The following OGN variants were observed in gnomAD, a reference collection of about 807,000 sequenced individuals.
OGN encodes osteoglycin.
A neutral mutation model predicts 30.8 loss-of-function variants in OGN; 19 were observed. That is an observed-to-expected ratio of 0.62 (90% confidence interval 0.43 to 0.90). OGN has a LOEUF of 0.90. Among genes scored for constraint, OGN ranks in the 40% least tolerant of loss-of-function variants. The pLI is 0.00. For missense variants in OGN, 283 were observed against 349.7 expected (o/e 0.81, Z 1.52); for synonymous variants, 126 against 128.3 (o/e 0.98, Z 0.12).
chr9:92,395,248 C>T (rs1400614188), intron 3 of OGN, among the ~76,000 whole-genome samples: 2 of 152,150 alleles, frequency 1.3e-5, no homozygotes, highest in Non-Finnish European at 2.9e-5. Context: ...GGTCAGTATA[C>T]ATTAGTTTGC....
intron 3 of OGN, among the ~76,000 whole-genome samples, chr9:92,393,947 G>A (rs1387053273): frequency 6.6e-6 from 1 of 152,010 alleles, no homozygotes; most frequent in Non-Finnish European, 1.5e-5. Flanking sequence ...AATATCTTTG[G>A]TCACTTGGTT....
At chr9:92,403,157 C>T in intron 2 of OGN, 77 bp downstream of exon 2, 1 of 908,188 alleles carries the variant, frequency 1.1e-6, no homozygotes, top group Non-Finnish European at 1.7e-6. Flanking sequence ...CCTTATCAGA[C>T]ACATTCAGGA....
chr9:92,399,253 A>C (rs542014108), intron 3 of OGN, among the ~76,000 whole-genome samples: 8 of 152,134 alleles, frequency 5.3e-5, no homozygotes, highest in Non-Finnish European at 1.0e-4. Flanking sequence ...TTTTTCAATC[A>C]GATAGGTTAA....
At chr9:92,404,453 TTAAC>T (rs2130936380) in intron 1 of OGN, 39 bp downstream of exon 1, 1 of 1,215,304 alleles carries the variant, frequency 8.2e-7, no homozygotes, top group South Asian at 1.4e-5. Context: ...CAGTCGCACT[TTAAC>T]AAACAATATT....
At chr9:92,392,450 C>T (rs911212001) in intron 4 of OGN, among the ~76,000 whole-genome samples, 1 of 152,036 alleles carries the variant, frequency 6.6e-6, no homozygotes, top group African/African-American at 2.4e-5. Context: ...GGTGAAACCC[C>T]ATCTCTACTA....
intron 3 of OGN, among the ~76,000 whole-genome samples, chr9:92,399,662 T>C (rs1196956891): frequency 6.6e-6 from 1 of 152,244 alleles, no homozygotes; most frequent in African/African-American, 2.4e-5. Context: ...TTCAGATTGC[T>C]AATCTATTTG....
Position 92,385,391 on chromosome 9 carries a change from T to C in OGN, c.*229A>G, listed in dbSNP as rs934203877. On this transcript the variant is annotated 3_prime_UTR_variant, in exon 7 of 7. Transcript: ENST00000375561. ...TGGTAGTCTAGTATAAACTAGGATT[T>C]TGTAATGCTGTTTAAATATTTTCAT... The C allele has an allele frequency of 2.3e-6, 1 of 436,346 alleles. No homozygotes were observed. The highest frequency in any genetic ancestry group is 2.0e-5 in the African/African-American group (1 of 49,468). The allele number at this position is 436,346 out of a possible 1,614,324, so 27.0% of individuals were successfully genotyped here.
chr9:92,388,547 C>CG (rs1842531400), intron 5 of OGN, among the ~76,000 whole-genome samples: 1 of 138,462 alleles, frequency 7.2e-6, no homozygotes, highest in Admixed American at 7.3e-5. Context: ...AACTTTAAAA[C>CG]AAAAAAAAAA....
intron 3 of OGN, among the ~76,000 whole-genome samples, chr9:92,394,016 A>G (rs1263295439): frequency 1.3e-5 from 2 of 152,160 alleles, no homozygotes; most frequent in Non-Finnish European, 2.9e-5. Context: ...CTTCATAACA[A>G]GTAATTCTGG....
Position 92,383,474 on chromosome 9 carries a change from AAT to A in OGN, c.*2144_*2145del, listed in dbSNP as rs1241382144. Among the ~76,000 whole-genome samples the A allele has an allele frequency of 1.3e-5, 2 of 152,160 alleles. No individual in the cohort carries two copies. The highest frequency in any genetic ancestry group is 2.4e-5 in the African/African-American group (1 of 41,446). Reference sequence around the variant, plus strand: ...ATGTATGTCTTTAGTTTTTTTCAGCAATGTTAGTAAAAAGTAAATCATTTAAA... The same window carrying A: ...ATGTATGTCTTTAGTTTTTTTCAGCAGTTAGTAAAAAGTAAATCATTTAAA... On this transcript the variant is annotated 3_prime_UTR_variant, in exon 7 of 7. Coordinates refer to ENST00000375561, the MANE Select transcript of OGN (RefSeq NM_014057.5).
At chr9:92,401,207 G>T in intron 2 of OGN, 22 bp from the exon 3 acceptor site, 1 of 1,033,908 alleles carries the variant, frequency 9.7e-7, no homozygotes, top group Non-Finnish European at 1.5e-6. Context: ...ATAAAAGTTT[G>T]TTACCTAGCT....
intron 5 of OGN, among the ~76,000 whole-genome samples, chr9:92,387,513 T>C (rs1289908976): frequency 6.6e-6 from 1 of 152,224 alleles, no homozygotes; most frequent in Non-Finnish European, 1.5e-5. Flanking sequence ...TTATTGTGTA[T>C]AATTGTAATT....
chr9:92,390,585 T>C (rs79412067), intron 4 of OGN, among the ~76,000 whole-genome samples: 8 of 133,122 alleles, frequency 6.0e-5, no homozygotes, highest in African/African-American at 1.5e-4. Context: ...TGTGTGTGTG[T>C]GTGCGCGCGC....
chr9:92,390,346 A>G (rs1164139099), intron 4 of OGN, among the ~76,000 whole-genome samples: 1 of 152,244 alleles, frequency 6.6e-6, no homozygotes, highest in Non-Finnish European at 1.5e-5. Context: ...TGGGATGGTC[A>G]GGCAGTTTGA....
At chr9:92,391,812 T>C (rs975489657) in intron 4 of OGN, among the ~76,000 whole-genome samples, 5 of 152,300 alleles carry the variant, frequency 3.3e-5, no homozygotes, top group Non-Finnish European at 4.4e-5. Context: ...TCTGAGCATG[T>C]CTGAGAAAGC....
intron 4 of OGN, among the ~76,000 whole-genome samples, chr9:92,390,840 C>A (rs936956410): frequency 6.6e-6 from 1 of 152,190 alleles, no homozygotes; most frequent in African/African-American, 2.4e-5. Context: ...ATTGTTGAAT[C>A]ATTAATATTG....
In OGN at chr9:92,392,057, A is replaced by G. The variant is rs189513483; in HGVS notation, c.427+1029T>C. On this transcript the variant is annotated intron_variant, in intron 4 of 6. Transcript: ENST00000375561. ...ACTCTTGACAATATTAGGAGTCTAG[A>G]AAACTGACAAGAAATTAGTGATCTA... is the stretch of plus-strand genomic sequence containing the variant. Among the ~76,000 whole-genome samples, 334 of 152,192 alleles carry G rather than the reference A, an allele frequency of 2.2e-3. 5 individuals carry two copies. The highest frequency in any genetic ancestry group is 0.01 in the Admixed American group (153 of 15,288).
At chr9:92,388,971 A>T (rs1335407681) in intron 5 of OGN, among the ~76,000 whole-genome samples, 1 of 152,164 alleles carries the variant, frequency 6.6e-6, no homozygotes, top group Admixed American at 6.5e-5. Context: ...AAGATACCTT[A>T]ATTGTAATGA....
chr9:92,399,809 A>G (rs950425459), intron 3 of OGN, among the ~76,000 whole-genome samples: 2 of 152,042 alleles, frequency 1.3e-5, no homozygotes, highest in Non-Finnish European at 1.5e-5. Context: ...CTGAATTTTC[A>G]TGTGTATTTT....
Sources: allele counts gnomAD v4.1 joint callset (sites outside exome capture counted in the v4.1 genomes callset), GRCh38; gene constraint gnomAD v4.1.1; transcripts MANE v1.5; gene names NCBI Gene and HGNC (gene_info 2026-07-23, HGNC 2026-07-21).